Variants in DOCK4 observed in about 807,000 individuals in gnomAD.
The protein encoded by DOCK4 is dedicator of cytokinesis protein 4.
DOCK4 carries 97 observed loss-of-function variants against 268.1 expected under a neutral mutation model. That is an observed-to-expected ratio of 0.36 (90% CI 0.31 to 0.43). The LOEUF is 0.43. Among genes scored for constraint, DOCK4 ranks in the 20% least tolerant of loss-of-function variants. The pLI is 1.00. For synonymous variants in DOCK4, 954 were observed against 887.2 expected (o/e 1.08, Z -1.34); for missense variants, 2,145 against 2,455.7 (o/e 0.87, Z 2.67).
intron 12 of DOCK4, among the ~76,000 whole-genome samples, chr7:111,927,432 T>G (rs1025662281): frequency 8.5e-5 from 13 of 152,196 alleles, no homozygotes; most frequent in Admixed American, 1.3e-4. Context: ...GAGTCTTAAC[T>G]ACAAAAGAAA....
intron 8 of DOCK4, among the ~76,000 whole-genome samples, chr7:111,974,491 GATGTGTGT>G (rs1797992098): frequency 1.1e-5 from 1 of 90,342 alleles, no homozygotes; most frequent in East Asian, 4.7e-4. Context: ...ATTGAAGAGG[GATGTGTGT>G]GTGTGTGTGT....
Position 111,783,854 on chromosome 7 carries a change from T to C in DOCK4, c.3524+3A>G. The C allele has an allele frequency of 6.3e-7, 1 of 1,596,158 alleles. No individual in the cohort carries two copies. Among genetic ancestry groups the C allele is most frequent in the East Asian group, 2.3e-5 (1 of 44,274 alleles). On this transcript the variant is annotated splice_donor_region_variant and intron_variant, in intron 34 of 52. Transcript: ENST00000428084. ...GTTCAGAAAAACATGCGACTTGGCT[T>C]ACCTGTAATCTAACAACCTCTCCAT... is the stretch of plus-strand genomic sequence containing the variant.
intron 44 of DOCK4, among the ~76,000 whole-genome samples, chr7:111,742,640 G>GA (rs1795995494): frequency 6.6e-6 from 1 of 152,114 alleles, no homozygotes; most frequent in Admixed American, 6.5e-5. Context: ...AGGGAGGATG[G>GA]AAAAAACAAA....
intron 1 of DOCK4, among the ~76,000 whole-genome samples, chr7:112,016,272 G>A (rs935816556): frequency 6.6e-6 from 1 of 152,158 alleles, no homozygotes; most frequent in African/African-American, 2.4e-5. Context: ...ATTTTGCAGA[G>A]TATCTCTAAA....
chr7:111,823,723 T>A (rs1802187405), intron 26 of DOCK4, among the ~76,000 whole-genome samples: 2 of 152,204 alleles, frequency 1.3e-5, no homozygotes, highest in Admixed American at 1.3e-4. Flanking sequence ...TAGGAAAATA[T>A]ATTTCTCTAA....
intron 26 of DOCK4, among the ~76,000 whole-genome samples, chr7:111,831,546 G>A (rs1174189008): frequency 1.3e-5 from 2 of 150,944 alleles, no homozygotes; most frequent in Non-Finnish European, 2.9e-5. Context: ...GAGGAGTGGT[G>A]CAATCACAGC....
chr7:111,975,050 T>A (rs182336780), intron 8 of DOCK4, among the ~76,000 whole-genome samples: 1 of 152,288 alleles, frequency 6.6e-6, no homozygotes, highest in Non-Finnish European at 1.5e-5. Context: ...GGGGATCACT[T>A]GAGGCCAGGA....
chr7:111,980,623 G>A (rs1798538196), intron 7 of DOCK4, among the ~76,000 whole-genome samples: 1 of 152,212 alleles, frequency 6.6e-6, no homozygotes, highest in African/African-American at 2.4e-5. Flanking sequence ...TGTGGGGGCT[G>A]TCCTGGGCTT....
rs547744169 is a variant in DOCK4, at chr7:112,182,885, T to C, written c.37+23217A>G. The stretch of plus-strand genomic sequence containing the variant: ...ACAGGGTGGCCACAGGACTGGACAA[T>C]GCACTTGTTCAAATGTGCAAAAGGA... On this transcript the variant is annotated intron_variant, in intron 1 of 52. Coordinates refer to ENST00000428084, the MANE Select transcript of DOCK4 (RefSeq NM_001363540.2). Among the ~76,000 whole-genome samples the C allele has an allele frequency of 2.0e-5, 3 of 152,314 alleles. No individual in the cohort carries two copies. In the South Asian group the frequency reaches 6.2e-4, roughly 32 times the overall value.
At chr7:111,791,070 TTATATATATA>T (rs35033313) in intron 30 of DOCK4, among the ~76,000 whole-genome samples, 2,239 of 95,438 alleles carry the variant, frequency 0.023, 55 homozygotes, top group Middle Eastern at 0.04. Flanking sequence ...AAAAAAAAAA[TTATATATATA>T]TATATATATA....
rs114243715 is a variant in DOCK4 at position 111,883,420 on chromosome 7, C to T, written c.1588-6234G>A. Among the ~76,000 whole-genome samples the T allele has an allele frequency of 4.0e-3, 603 of 152,250 alleles. 2 individuals are homozygous for T. The highest frequency in any genetic ancestry group is 0.02 in the East Asian group (105 of 5,176). On this transcript the variant is annotated intron_variant, in intron 16 of 52. Coordinates refer to ENST00000428084, the MANE Select transcript of DOCK4 (RefSeq NM_001363540.2). ...CCAAACCCAGCCCAGACACTCTGTC[C>T]TGCTATTTCCAGGCCTCCTCCTCAG...
At position 111,774,759 on chromosome 7, in the gene DOCK4, T is replaced by A. The variant is rs576739708; in HGVS notation, c.3679+3517A>T. 9.2e-5 allele frequency among the ~76,000 whole-genome samples: 14 copies of A among 152,304 alleles called. No homozygotes were observed. The East Asian group carries it at 2.1e-3, about 23-fold the overall frequency. ...TTTGAAGTTTATTTTGTAGAACACA[T>A]ACACTGACAACAGAGTGATATCTAG... On this transcript the variant is annotated intron_variant, in intron 36 of 52. Transcript: ENST00000428084.
rs755139395 is a variant in DOCK4 at position 111,769,483 on chromosome 7, A to G, written c.3828+46T>C. The G allele has an allele frequency of 1.9e-5, 30 of 1,607,560 alleles. No homozygotes were observed. The Admixed American group carries it at 4.9e-4, about 26-fold the overall frequency. On this transcript the variant is annotated intron_variant, in intron 37 of 52. Transcript: ENST00000428084. Reference sequence around the variant, plus strand: ...AGAAATGAAAGGGAAAGGGACATCAACACCATCACCCCAGGAGGGACCCCG... The same window carrying G: ...AGAAATGAAAGGGAAAGGGACATCAGCACCATCACCCCAGGAGGGACCCCG...
chr7:111,954,406 G>A lies in DOCK4; in HGVS notation c.702-8608C>T, dbSNP rs532306670. Among the ~76,000 whole-genome samples the A allele has an allele frequency of 2.2e-4, 33 of 152,228 alleles. No homozygotes were observed. In the South Asian group the frequency reaches 5.8e-3, roughly 27 times the overall value. ...ATGATGGCAGAGATGAAGGACATTC[G>A]AATAGATGCCCTATGTACAGGGAAT... On this transcript the variant is annotated intron_variant, in intron 8 of 52. Transcript: ENST00000428084.
intron 13 of DOCK4, among the ~76,000 whole-genome samples, chr7:111,909,999 G>C (rs1346233156): frequency 2.0e-5 from 3 of 151,790 alleles, no homozygotes; most frequent in African/African-American, 7.3e-5. Context: ...AACGTTTTAG[G>C]GCTAAGAGCT....
intron 30 of DOCK4, among the ~76,000 whole-genome samples, chr7:111,804,117 T>C (rs1800493147): frequency 6.6e-6 from 1 of 152,178 alleles, no homozygotes; most frequent in African/African-American, 2.4e-5. Context: ...GAAAGCCAGA[T>C]TCTCAGAGAT....
chr7:111,740,419 G>T (rs902887505), intron 47 of DOCK4, among the ~76,000 whole-genome samples: 1 of 143,944 alleles, frequency 6.9e-6, no homozygotes, highest in African/African-American at 2.5e-5. Context: ...TCTTCTTAAA[G>T]AAAAAAAAAG....
intron 1 of DOCK4, among the ~76,000 whole-genome samples, chr7:112,128,963 AATAG>A (rs531539729): frequency 5.1e-4 from 78 of 152,354 alleles, no homozygotes; most frequent in African/African-American, 1.7e-3. Flanking sequence ...GAAAATGTAG[AATAG>A]ATAGTCACTG....
intron 23 of DOCK4, among the ~76,000 whole-genome samples, chr7:111,851,455 A>C (rs1305729842): frequency 6.6e-6 from 1 of 152,058 alleles, no homozygotes; most frequent in East Asian, 1.9e-4. Flanking sequence ...AAAAAAAAAA[A>C]AAAAAAAAAA....
Sources: gnomAD v4.1 joint callset for allele counts (sites outside exome capture counted in the v4.1 genomes callset) on GRCh38, gnomAD v4.1.1 for gene constraint, MANE v1.5 for transcripts, NCBI Gene and HGNC (gene_info 2026-07-23, HGNC 2026-07-21) for gene names.